TTF1: variants seen among roughly 807,000 people sequenced by gnomAD.
The protein encoded by TTF1 is transcription termination factor, RNA polymerase I.
In TTF1, 64 loss-of-function variants were observed where a neutral mutation model predicts 80.2. That is an observed-to-expected ratio of 0.80 (90% CI 0.65 to 0.98). TTF1 has a LOEUF of 0.98. Among genes scored for constraint, TTF1 ranks in the 50% least tolerant of loss-of-function variants. The pLI is 0.00. For missense variants in TTF1, 1,023 were observed against 1,086.2 expected (o/e 0.94, Z 0.82); for synonymous variants, 372 against 382.7 (o/e 0.97, Z 0.33).
Position 132,402,533 on chromosome 9 carries a change from C to T in TTF1, c.289G>A (p.Asp97Asn), listed in dbSNP as rs1428770491. ...ACAACTGTAACACCTGCTTCCTCGTCCACCTCCAAAGCACTATATCTTCTC... is the reference window on the plus strand; with the variant it reads ...ACAACTGTAACACCTGCTTCCTCGTTCACCTCCAAAGCACTATATCTTCTC... ...KKRRYSALEV[D>N]EEAGVTVVLV... Residue 97 changes from aspartate (D) to asparagine (N), a missense_variant, in exon 2 of 11, where the codon GAC becomes AAC. Transcript: ENST00000334270. 9.3e-6 allele frequency: 15 copies of T among 1,614,214 alleles called. No homozygotes were observed. Among genetic ancestry groups the T allele is most frequent in the African/African-American group, 4.0e-5 (3 of 75,052 alleles).
intron 10 of TTF1, among the ~76,000 whole-genome samples, chr9:132,378,068 ATGTGG>A (rs1367008989): frequency 7.4e-5 from 7 of 94,472 alleles, no homozygotes; most frequent in Non-Finnish European, 1.2e-4. Flanking sequence ...GTGTGAGTGC[ATGTGG>A]TGTGTGTGAG....
chr9:132,404,700 T>C lies in TTF1; in HGVS notation c.-7-1872A>G, dbSNP rs114296400. ...ATTTCCTGAAAGAGAAATCACTCTT[T>C]CCATTACCTCACCTTTCATCCACTT... On this transcript the variant is annotated intron_variant, in intron 1 of 10. Coordinates refer to ENST00000334270, the MANE Select transcript of TTF1 (RefSeq NM_007344.4). 3.1e-3 allele frequency among the ~76,000 whole-genome samples: 472 copies of C among 152,208 alleles called. 2 individuals carry two copies. Among genetic ancestry groups the C allele is most frequent in the African/African-American group, 0.011 (458 of 41,514 alleles).
intron 1 of TTF1, among the ~76,000 whole-genome samples, chr9:132,404,100 G>T (rs1375036742): frequency 6.6e-6 from 1 of 152,044 alleles, no homozygotes; most frequent in Non-Finnish European, 1.5e-5. Flanking sequence ...TTTATCTTTG[G>T]CTAAATGACA....
intron 1 of TTF1, among the ~76,000 whole-genome samples, chr9:132,403,791 A>G (rs1849811460): frequency 6.6e-6 from 1 of 152,198 alleles, no homozygotes; most frequent in African/African-American, 2.4e-5. Context: ...GGATCCACAA[A>G]AGGGCTTCGC....
At chr9:132,376,605 G>A (rs922889274) in intron 10 of TTF1, among the ~76,000 whole-genome samples, 5 of 151,972 alleles carry the variant, frequency 3.3e-5, no homozygotes, top group African/African-American at 1.2e-4. Flanking sequence ...TTCTGGACTC[G>A]GTCTAGAGAC....
At chr9:132,387,477 C>T (rs567763080) in intron 8 of TTF1, among the ~76,000 whole-genome samples, 48 of 152,178 alleles carry the variant, frequency 3.2e-4, no homozygotes, top group African/African-American at 9.2e-4. Flanking sequence ...AACCACCCCC[C>T]GATCCACCCC....
rs554773856 is a variant in TTF1 at position 132,399,285 on chromosome 9, C to A, written c.1591+750G>T. ...CAACACAATACACCAAAATGGGATT[C>A]TATACCACTCTATAATTGTGTGTAC... On this transcript the variant is annotated intron_variant, in intron 3 of 10. Coordinates refer to ENST00000334270, the MANE Select transcript of TTF1 (RefSeq NM_007344.4). Among the ~76,000 whole-genome samples, 4 of 150,594 alleles carry A rather than the reference C, an allele frequency of 2.7e-5. No individual in the cohort carries two copies. The East Asian group carries it at 7.8e-4, about 29-fold the overall frequency.
chr9:132,397,349 C>T (rs1189772286), intron 4 of TTF1, among the ~76,000 whole-genome samples: 1 of 152,188 alleles, frequency 6.6e-6, no homozygotes, highest in Non-Finnish European at 1.5e-5. Context: ...GTGGATTCCA[C>T]ACAACACCTA....
At chr9:132,381,213 A>G (rs1161510126) in intron 9 of TTF1, among the ~76,000 whole-genome samples, 1 of 149,490 alleles carries the variant, frequency 6.7e-6, no homozygotes, top group Non-Finnish European at 1.5e-5. Context: ...TTTTTTTTTG[A>G]GATGGAGTCT....
intron 7 of TTF1, among the ~76,000 whole-genome samples, chr9:132,389,905 G>T (rs1373879330): frequency 6.6e-6 from 1 of 152,218 alleles, no homozygotes; most frequent in Non-Finnish European, 1.5e-5. Context: ...CATTAGAAGG[G>T]TGGAGCTGCT....
chr9:132,399,959 A>C, intron 3 of TTF1, 76 bp downstream of exon 3: 1 of 1,430,644 alleles, frequency 7.0e-7, no homozygotes, highest in Non-Finnish European at 9.8e-7. Flanking sequence ...ATAAATCTGA[A>C]TCATCCATAA....
At chr9:132,404,874 C>T (rs1046304013) in intron 1 of TTF1, among the ~76,000 whole-genome samples, 1 of 152,082 alleles carries the variant, frequency 6.6e-6, no homozygotes, top group Non-Finnish European at 1.5e-5. Context: ...CAGAGCAAAG[C>T]CGATTATTTC....
Position 132,401,915 on chromosome 9 carries a change from C to A in TTF1, c.907G>T (p.Val303Phe). 2 of 1,611,164 alleles carry A rather than the reference C, an allele frequency of 1.2e-6. No homozygotes were observed. The highest frequency in any genetic ancestry group is 1.7e-6 in the Non-Finnish European group (2 of 1,178,828). ...MPEGSQVGSE[V>F]GADMQESRPA... ...CGGGATTCCTGCATATCAGCCCCAA[C>A]CTCACTGCCCACTTGTGATCCTTCA... Residue 303 changes from valine (V) to phenylalanine (F), a missense_variant, in exon 2 of 11, where the codon GTT becomes TTT. Transcript: ENST00000334270.
chr9:132,379,229 G>A (rs188447352), intron 9 of TTF1, 85 bp from the exon 10 acceptor site: 5 of 972,146 alleles, frequency 5.1e-6, no homozygotes, highest in African/African-American at 1.7e-5. Flanking sequence ...CATTTATTCA[G>A]GTGAGGTTTA....
At chr9:132,379,449 C>T (rs1271989002) in intron 9 of TTF1, among the ~76,000 whole-genome samples, 3 of 152,142 alleles carry the variant, frequency 2.0e-5, no homozygotes, top group African/African-American at 7.2e-5. Context: ...AGTATAATGC[C>T]GGCTAACGGG....
intron 6 of TTF1, among the ~76,000 whole-genome samples, chr9:132,391,052 T>G (rs1394872546): frequency 6.6e-6 from 1 of 152,250 alleles, no homozygotes; most frequent in Non-Finnish European, 1.5e-5. Context: ...ATAAGTCCTT[T>G]CTTAAAGCAA....
intron 6 of TTF1, among the ~76,000 whole-genome samples, chr9:132,391,672 C>T (rs938745097): frequency 6.6e-6 from 1 of 152,202 alleles, no homozygotes; most frequent in African/African-American, 2.4e-5. Context: ...AGAGGAGACA[C>T]AGACAGGAGG....
In TTF1 at chr9:132,391,966, T is replaced by G. The variant is rs973840738; in HGVS notation, c.1987+110A>C. ...AGAACAGCTTAAGAAACAAAGCTCT[T>G]GCGGAAGACAGGTCTACGGTGATTT... On this transcript the variant is annotated intron_variant, in intron 6 of 10. Coordinates refer to ENST00000334270, the MANE Select transcript of TTF1 (RefSeq NM_007344.4). 4 of 1,507,734 alleles carry G rather than the reference T, an allele frequency of 2.7e-6. No individual in the cohort carries two copies. In the East Asian group the frequency reaches 9.2e-5, roughly 35 times the overall value. 93.4% of individuals were successfully genotyped at this position (1,507,734 alleles called of 1,614,324 possible).
chr9:132,396,311 G>T, intron 5 of TTF1, 122 bp downstream of exon 5: 2 of 968,082 alleles, frequency 2.1e-6, no homozygotes, highest in Non-Finnish European at 3.2e-6. Flanking sequence ...TACACCACCT[G>T]GTTTCACACA....
Sources: allele counts gnomAD v4.1 joint callset (sites outside exome capture counted in the v4.1 genomes callset), GRCh38; gene constraint gnomAD v4.1.1; transcripts MANE v1.5; gene names NCBI Gene and HGNC (gene_info 2026-07-23, HGNC 2026-07-21).